The following CNTLN variants were observed in gnomAD, a reference collection of about 807,000 sequenced individuals.
CNTLN encodes centlein.
In CNTLN, 212 loss-of-function variants were observed where a neutral mutation model predicts 180.0. That is an observed-to-expected ratio of 1.18 (90% confidence interval 1.05 to 1.32). The LOEUF is 1.32. Among genes scored for constraint, CNTLN ranks in the 40% most tolerant of loss-of-function variants. CNTLN has a pLI of 0.00. For synonymous variants in CNTLN, 722 were observed against 563.1 expected (o/e 1.28, Z -3.99); for missense variants, 2,095 against 1,610.9 (o/e 1.30, Z -5.14).
rs900759400 is a variant in CNTLN, at chr9:17,449,148, A to G, written c.3115-8376A>G. 2.0e-5 allele frequency among the ~76,000 whole-genome samples: 3 copies of G among 152,282 alleles called. No individual in the cohort carries two copies. The East Asian group carries it at 5.8e-4, about 29-fold the overall frequency. ...AATTATGTTGGTAGTGAGGATGATG[A>G]ATTATTCTGGATATACTTTTGGTTC... On this transcript the variant is annotated intron_variant, in intron 18 of 25. Coordinates refer to ENST00000380647, the MANE Select transcript of CNTLN (RefSeq NM_017738.4).
rs139484098 is a variant in CNTLN, at chr9:17,268,064, G to C, written c.850-5669G>C. 1.1e-3 allele frequency among the ~76,000 whole-genome samples: 175 copies of C among 152,230 alleles called. 1 individual carries two copies. Among genetic ancestry groups the C allele is most frequent in the African/African-American group, 4.1e-3 (169 of 41,556 alleles). ...TCAAAGTCATTCTCCATCCAGCTTTGTTCCGTTGCTGGTGAGGAGCTCTGT... is the reference window on the plus strand; with the variant it reads ...TCAAAGTCATTCTCCATCCAGCTTTCTTCCGTTGCTGGTGAGGAGCTCTGT... On this transcript the variant is annotated intron_variant, in intron 5 of 25. Transcript: ENST00000380647.
At chr9:17,163,026 T>G (rs1819788861) in intron 2 of CNTLN, among the ~76,000 whole-genome samples, 1 of 152,186 alleles carries the variant, frequency 6.6e-6, no homozygotes, top group Non-Finnish European at 1.5e-5. Flanking sequence ...TCCACATGGC[T>G]TGGGAGACCT....
At chr9:17,135,618 T>C (rs1333890909) in intron 1 of CNTLN, among the ~76,000 whole-genome samples, 193 bp downstream of exon 1, 1 of 152,074 alleles carries the variant, frequency 6.6e-6, no homozygotes, top group Admixed American at 6.5e-5. Flanking sequence ...CCCGGGCCCC[T>C]GCCCCTTTCC....
At chr9:17,185,946 C>T (rs1308602261) in intron 2 of CNTLN, among the ~76,000 whole-genome samples, 7 of 151,986 alleles carry the variant, frequency 4.6e-5, no homozygotes, top group African/African-American at 1.7e-4. Flanking sequence ...GCGCGCACCA[C>T]CACACCTGGC....
At chr9:17,363,982 T>C (rs1309844356) in intron 12 of CNTLN, among the ~76,000 whole-genome samples, 1 of 152,174 alleles carries the variant, frequency 6.6e-6, no homozygotes, top group African/African-American at 2.4e-5. Context: ...TCTGCTGTTA[T>C]TCCAGAGATC....
chr9:17,440,131 G>T (rs181556961), intron 18 of CNTLN, among the ~76,000 whole-genome samples: 3 of 152,124 alleles, frequency 2.0e-5, no homozygotes, highest in African/African-American at 7.2e-5. Context: ...TGTTGATAAG[G>T]ATATAGAGAA....
chr9:17,137,272 G>A (rs1015284244), intron 1 of CNTLN, among the ~76,000 whole-genome samples: 5 of 152,056 alleles, frequency 3.3e-5, no homozygotes, highest in Admixed American at 6.6e-5. Flanking sequence ...GCAGTATCCC[G>A]CACCATAAAA....
At chr9:17,513,136 G>C in the CNTLN span, among the ~76,000 whole-genome samples, 1 of 151,946 alleles carries the variant, frequency 6.6e-6, no homozygotes, top group African/African-American at 2.4e-5. Context: ...TATACTGGTT[G>C]AATTATGTTC....
At chr9:17,460,458 T>A (rs1010699758) in intron 19 of CNTLN, among the ~76,000 whole-genome samples, 1 of 151,682 alleles carries the variant, frequency 6.6e-6, no homozygotes, top group African/African-American at 2.4e-5. Flanking sequence ...TAGTAGGGAA[T>A]GGAAAAGGGA....
At chr9:17,407,852 G>A (rs555805637) in intron 15 of CNTLN, among the ~76,000 whole-genome samples, 13 of 152,164 alleles carry the variant, frequency 8.5e-5, no homozygotes, top group East Asian at 3.9e-4. Flanking sequence ...GAGGCTGGGC[G>A]TGGTGGCTCA....
intron 5 of CNTLN, among the ~76,000 whole-genome samples, chr9:17,239,800 G>T (rs1276694825): frequency 2.6e-5 from 4 of 151,948 alleles, no homozygotes; most frequent in African/African-American, 9.7e-5. Flanking sequence ...TTCATTTTTG[G>T]ACCTCAGTTC....
chr9:17,209,782 A>G (rs1033017911), intron 2 of CNTLN, among the ~76,000 whole-genome samples: 3 of 152,218 alleles, frequency 2.0e-5, no homozygotes, highest in Non-Finnish European at 4.4e-5. Context: ...CATGACTTCT[A>G]TAAGAATGTG....
At chr9:17,478,828 A>G (rs918221289) in intron 23 of CNTLN, among the ~76,000 whole-genome samples, 5 of 152,150 alleles carry the variant, frequency 3.3e-5, no homozygotes, top group Admixed American at 1.3e-4. Flanking sequence ...CCATTGGTCT[A>G]TGTCTGTCTT....
chr9:17,253,547 T>G (rs1031327745), intron 5 of CNTLN, among the ~76,000 whole-genome samples: 1 of 151,574 alleles, frequency 6.6e-6, no homozygotes, highest in Non-Finnish European at 1.5e-5. Flanking sequence ...AGAATTGCTT[T>G]TTTGATTTCT....
intron 18 of CNTLN, among the ~76,000 whole-genome samples, chr9:17,449,521 G>A (rs1174949933): frequency 6.6e-6 from 1 of 151,932 alleles, no homozygotes; most frequent in South Asian, 2.1e-4. Context: ...AAAAGAGAGA[G>A]CTTTTCTTCT....
intron 11 of CNTLN, 66 bp from the exon 12 acceptor site, chr9:17,342,259 G>T (rs1821539978): frequency 4.7e-6 from 7 of 1,477,962 alleles, no homozygotes; most frequent in Non-Finnish European, 6.5e-6. Context: ...TTTAAGGAAT[G>T]TATAAAATAA....
chr9:17,435,765 G>T (rs1276284203), intron 18 of CNTLN, among the ~76,000 whole-genome samples: 1 of 152,086 alleles, frequency 6.6e-6, no homozygotes, highest in Non-Finnish European at 1.5e-5. Context: ...GTTTCACCAC[G>T]TTGGCCAGGC....
chr9:17,179,725 T>C (rs890932536), intron 2 of CNTLN, among the ~76,000 whole-genome samples: 12 of 152,344 alleles, frequency 7.9e-5, no homozygotes, highest in African/African-American at 2.9e-4. Flanking sequence ...CTTTGATAAT[T>C]CACTGGCTAG....
At chr9:17,354,294 A>C (rs1179395133) in intron 12 of CNTLN, among the ~76,000 whole-genome samples, 1 of 152,166 alleles carries the variant, frequency 6.6e-6, no homozygotes, top group Non-Finnish European at 1.5e-5. Context: ...CCAGTCCCGT[A>C]GACCACCTAA....
Sources: allele counts gnomAD v4.1 joint callset (sites outside exome capture counted in the v4.1 genomes callset), GRCh38; gene constraint gnomAD v4.1.1; transcripts MANE v1.5; gene names NCBI Gene and HGNC (gene_info 2026-07-23, HGNC 2026-07-21).